Variants in CALN1 observed in about 807,000 individuals in gnomAD.
CALN1 encodes the protein calneuron 1, also known as calcium-binding protein 8.
A neutral mutation model predicts 30.6 loss-of-function variants in CALN1; 17 were observed. That is an observed-to-expected ratio of 0.56 (90% CI 0.38 to 0.83). The LOEUF is 0.83. Ranked by LOEUF, CALN1 falls within the 40% of genes least tolerant of loss-of-function variation. CALN1 has a pLI of 0.00. For missense variants in CALN1, 291 were observed against 354.9 expected, an observed-to-expected ratio of 0.82 and a Z score of 1.45; for synonymous variants, 156 against 131.4, an observed-to-expected ratio of 1.19 and a Z score of -1.28.
At chr7:72,307,783 C>A (rs1280254270) in intron 2 of CALN1, among the ~76,000 whole-genome samples, 4 of 151,928 alleles carry the variant, frequency 2.6e-5, no homozygotes, top group Non-Finnish European at 5.9e-5. Flanking sequence ...CAGCAGGACA[C>A]AAGATCATCC....
intron 1 of CALN1, among the ~76,000 whole-genome samples, chr7:72,439,823 C>T (rs985294949): frequency 7.9e-5 from 12 of 151,908 alleles, no homozygotes; most frequent in South Asian, 6.3e-4. Flanking sequence ...ATGATCCACC[C>T]GCCTCGGCCT....
chr7:72,276,034 T>G (rs1159846838), intron 3 of CALN1, among the ~76,000 whole-genome samples: 1 of 152,116 alleles, frequency 6.6e-6, no homozygotes, highest in Non-Finnish European at 1.5e-5. Flanking sequence ...CATGGCAAAG[T>G]TGGGAAGGAG....
chr7:72,190,679 AGAGTCCTTT>A (rs1790533553), intron 3 of CALN1, among the ~76,000 whole-genome samples: 3 of 152,232 alleles, frequency 2.0e-5, no homozygotes, highest in African/African-American at 4.8e-5. Flanking sequence ...TTTTAATACA[AGAGTCCTTT>A]GAGTCCTTTG....
chr7:72,283,635 C>A (rs1451161374), intron 2 of CALN1, among the ~76,000 whole-genome samples: 1 of 152,296 alleles, frequency 6.6e-6, no homozygotes, highest in East Asian at 1.9e-4. Context: ...AAGCAGGATG[C>A]AGGGGCAACA....
chr7:72,303,208 G>GA (rs772839372), intron 2 of CALN1, among the ~76,000 whole-genome samples: 3 of 152,170 alleles, frequency 2.0e-5, no homozygotes, highest in Non-Finnish European at 4.4e-5. Flanking sequence ...TTCATGAGAT[G>GA]GATTCTAACA....
the CALN1 span, among the ~76,000 whole-genome samples, chr7:72,462,831 G>A: frequency 6.6e-6 from 1 of 152,182 alleles, no homozygotes; most frequent in Admixed American, 6.5e-5. Context: ...CGAACTTGCC[G>A]GGCACATACT....
the CALN1 span, among the ~76,000 whole-genome samples, chr7:72,497,857 C>T: frequency 6.6e-6 from 1 of 152,076 alleles, no homozygotes; most frequent in Non-Finnish European, 1.5e-5. Context: ...CCACAGGCAA[C>T]CCATGTGTTG....
At chr7:71,799,741 G>T (rs781281967) in intron 6 of CALN1, among the ~76,000 whole-genome samples, 10 of 152,158 alleles carry the variant, frequency 6.6e-5, no homozygotes, top group African/African-American at 1.2e-4. Flanking sequence ...CTCCCAAAGT[G>T]CTGGGACTAC....
the CALN1 span, among the ~76,000 whole-genome samples, chr7:72,479,335 T>C: frequency 6.6e-6 from 1 of 152,226 alleles, no homozygotes; most frequent in Non-Finnish European, 1.5e-5. Flanking sequence ...CAAATATATT[T>C]ATATGCCTTG....
Position 72,160,465 on chromosome 7 carries a change from GA to G in CALN1, c.245-54172del, listed in dbSNP as rs1185935054. Among the ~76,000 whole-genome samples the G allele has an allele frequency of 2.0e-5, 3 of 151,840 alleles. No individual in the cohort carries two copies. In the East Asian group the frequency reaches 5.8e-4, roughly 29 times the overall value. On this transcript the variant is annotated intron_variant, in intron 3 of 6. Coordinates refer to ENST00000395275, the MANE Select transcript of CALN1 (RefSeq NM_031468.4). Reference sequence around the variant, plus strand: ...AGCTAACTTTTGTAGTTTTAGTAGAGATGGGGTTTCACCATGTTGGCCAGGC... The same window carrying G: ...AGCTAACTTTTGTAGTTTTAGTAGAGTGGGGTTTCACCATGTTGGCCAGGC...
intron 2 of CALN1, among the ~76,000 whole-genome samples, chr7:72,379,720 T>C (rs562166708): frequency 9.9e-5 from 15 of 152,246 alleles, no homozygotes; most frequent in African/African-American, 3.6e-4. Context: ...ATTTATTGCA[T>C]GTTTCTCATT....
chr7:72,007,159 T>G (rs896668158), intron 5 of CALN1, among the ~76,000 whole-genome samples: 1 of 152,234 alleles, frequency 6.6e-6, no homozygotes, highest in African/African-American at 2.4e-5. Context: ...CCAGCTTCCC[T>G]TGCTGCCACG....
intron 3 of CALN1, among the ~76,000 whole-genome samples, chr7:72,216,478 G>T (rs561766196): frequency 6.6e-6 from 1 of 152,100 alleles, no homozygotes; most frequent in East Asian, 1.9e-4. Flanking sequence ...TTAGGAGGTG[G>T]CATCTTTGGA....
chr7:72,228,618 A>G (rs925704383), intron 3 of CALN1, among the ~76,000 whole-genome samples: 1 of 151,944 alleles, frequency 6.6e-6, no homozygotes, highest in Non-Finnish European at 1.5e-5. Context: ...AACTGGAACA[A>G]CAATAACTGA....
intron 4 of CALN1, among the ~76,000 whole-genome samples, chr7:72,059,537 T>C (rs1584855988): frequency 1.3e-5 from 2 of 152,188 alleles, no homozygotes; most frequent in East Asian, 3.9e-4. Context: ...TGCTCTGAAA[T>C]CTTGTTAGAA....
the CALN1 span, among the ~76,000 whole-genome samples, chr7:72,457,069 T>A: frequency 6.8e-6 from 1 of 147,518 alleles, no homozygotes; most frequent in Admixed American, 6.9e-5. Context: ...AGTGCAGTGA[T>A]GCAATCTCAG....
intron 2 of CALN1, among the ~76,000 whole-genome samples, chr7:72,343,771 G>A (rs1802489123): frequency 6.6e-6 from 1 of 152,150 alleles, no homozygotes; most frequent in Non-Finnish European, 1.5e-5. Flanking sequence ...GAGTTAGAAA[G>A]GATTACTGTT....
At chr7:72,480,331 C>T in the CALN1 span, among the ~76,000 whole-genome samples, 30 of 152,204 alleles carry the variant, frequency 2.0e-4, no homozygotes, top group Admixed American at 2.6e-4. Flanking sequence ...AAATATTAAA[C>T]CAACCCTTCA....
chr7:72,190,436 A>G (rs898029970), intron 3 of CALN1, among the ~76,000 whole-genome samples: 37 of 152,232 alleles, frequency 2.4e-4, no homozygotes, highest in Admixed American at 2.4e-3. Flanking sequence ...AAATTTCAAG[A>G]TGAGGGAAGT....
Sources: gnomAD v4.1 joint callset for allele counts (sites outside exome capture counted in the v4.1 genomes callset) on GRCh38, gnomAD v4.1.1 for gene constraint, MANE v1.5 for transcripts, NCBI Gene and HGNC (gene_info 2026-07-23, HGNC 2026-07-21) for gene names.